MRPS25: variants seen among roughly 807,000 people sequenced by gnomAD.
The protein encoded by MRPS25 is mitochondrial ribosomal protein S25.
In MRPS25, 15 loss-of-function variants were observed where a neutral mutation model predicts 17.3. The ratio of observed to expected loss-of-function variants is 0.87; its 90% CI spans 0.58 to 1.34. MRPS25 has a LOEUF of 1.34. Ranked by LOEUF, MRPS25 falls within the 40% of genes most tolerant of loss-of-function variation. The pLI, the probability that MRPS25 is intolerant of heterozygous loss-of-function variation, is 0.00. For missense variants in MRPS25, 225 were observed against 218.6 expected, an observed-to-expected ratio of 1.03 and a Z score of -0.19; for synonymous variants, 94 against 83.3, an observed-to-expected ratio of 1.13 and a Z score of -0.70.
At chr3:15,059,899 C>G (rs1212967479) in intron 1 of MRPS25, among the ~76,000 whole-genome samples, 2 of 148,716 alleles carry the variant, frequency 1.3e-5, no homozygotes, top group African/African-American at 5.0e-5. Context: ...CATGGGGGAA[C>G]AGTTTTACAA....
chr3:15,051,642 G>GGT lies in MRPS25; in HGVS notation c.*797_*798dup. 1 of 985,704 alleles carries GGT rather than the reference G, an allele frequency of 1.0e-6. No individual in the cohort carries two copies. Among genetic ancestry groups the GGT allele is most frequent in the Non-Finnish European group, 1.2e-6 (1 of 830,128 alleles). The allele number at this position is 985,704 out of a possible 1,614,324, so 61.1% of individuals were successfully genotyped here. On this transcript the variant is annotated 3_prime_UTR_variant, in exon 4 of 4. Transcript: ENST00000253686. ...TGCAGCACTCCCTCCTCCAGAGCTT[G>GGT]GTAAGCAGGGCCTGAGGGAGCCAGC...
chr3:15,063,180 G>C (rs889238174), intron 1 of MRPS25, among the ~76,000 whole-genome samples: 3 of 152,130 alleles, frequency 2.0e-5, no homozygotes, highest in African/African-American at 7.2e-5. Flanking sequence ...AGGAAACTAA[G>C]GTCAGAAGTT....
At position 15,051,716 on chromosome 3, in the gene MRPS25, C is replaced by T. The variant is rs1203735554; in HGVS notation, c.*725G>A. 1 of 985,338 alleles carries T rather than the reference C, an allele frequency of 1.0e-6. No individual in the cohort carries two copies. The highest frequency in any genetic ancestry group is 1.2e-6 in the Non-Finnish European group (1 of 830,052). The allele number at this position is 985,338 out of a possible 1,614,324, so 61.0% of individuals were successfully genotyped here. A position where few individuals can be genotyped will look rare whatever the true frequency, so the allele number is the denominator to read the frequency against. On this transcript the variant is annotated 3_prime_UTR_variant, in exon 4 of 4. Coordinates refer to ENST00000253686, the MANE Select transcript of MRPS25 (RefSeq NM_022497.5). ...CCCCAGCAGGGCCCCAATGTCTCCA[C>T]TAGGTGGTGTCTCCTCATTTCCTCC...
chr3:15,062,483 A>C (rs866705304), intron 1 of MRPS25, among the ~76,000 whole-genome samples: 2 of 131,934 alleles, frequency 1.5e-5, no homozygotes, highest in Non-Finnish European at 3.3e-5. Flanking sequence ...CGCCCCGTCC[A>C]GGAGGTGAGG....
intron 1 of MRPS25, among the ~76,000 whole-genome samples, chr3:15,060,303 A>C (rs2042733460): frequency 6.6e-6 from 1 of 152,006 alleles, no homozygotes. Context: ...GCTTGAGCTC[A>C]GGAGTTTGAG....
chr3:15,043,545 T>C (rs1158145301), downstream of MRPS25: 1 of 152,694 alleles, frequency 6.5e-6, no homozygotes, highest in African/African-American at 2.4e-5. Flanking sequence ...CTCACTAGGG[T>C]ACAGGAGACA....
At chr3:15,053,343 G>A in intron 3 of MRPS25, 37 bp downstream of exon 3, 1 of 1,613,948 alleles carries the variant, frequency 6.2e-7, no homozygotes, top group Non-Finnish European at 8.5e-7. Context: ...TCTGGGCTGA[G>A]AAGTTTGTTC....
intron 2 of MRPS25, among the ~76,000 whole-genome samples, chr3:15,057,196 G>A (rs1490551924): frequency 2.6e-5 from 4 of 152,206 alleles, no homozygotes; most frequent in African/African-American, 4.8e-5. Context: ...GGGGCCTAGG[G>A]TCTGGCCTTC....
At chr3:15,044,018 G>C (rs2042363112), downstream of MRPS25, 1 of 152,214 alleles carries the variant, frequency 6.6e-6, no homozygotes, top group Non-Finnish European at 1.5e-5. Flanking sequence ...TGTCCAGATG[G>C]AGGAGTGTGG....
In MRPS25 at chr3:15,050,416, C is replaced by G; in HGVS notation, c.*2025G>C. ...GGTTCAGGACATTCCTGCTGGTTAG[C>G]AGCCTCTTTGGGCCCTAGAGGGAAG... On this transcript the variant is annotated 3_prime_UTR_variant, in exon 4 of 4. Coordinates refer to ENST00000253686, the MANE Select transcript of MRPS25 (RefSeq NM_022497.5). The G allele has an allele frequency of 1.0e-6, 1 of 1,003,430 alleles. No individual in the cohort carries two copies. Among genetic ancestry groups the G allele is most frequent in the South Asian group, 4.3e-5 (1 of 23,438 alleles). The allele number at this position is 1,003,430 out of a possible 1,614,324, so 62.2% of individuals were successfully genotyped here. A position where few individuals can be genotyped will look rare whatever the true frequency, so the allele number is the denominator to read the frequency against.
intron 1 of MRPS25, among the ~76,000 whole-genome samples, chr3:15,064,660 T>C (rs997666292): frequency 6.6e-6 from 1 of 152,296 alleles, no homozygotes; most frequent in South Asian, 2.1e-4. Context: ...CCGCTGTTAT[T>C]TCTCTCATTT....
At chr3:15,061,548 C>T (rs2042759283) in intron 1 of MRPS25, among the ~76,000 whole-genome samples, 1 of 152,206 alleles carries the variant, frequency 6.6e-6, no homozygotes, top group South Asian at 2.1e-4. Context: ...AGTGCAGTGG[C>T]ATGATCTCGG....
At chr3:15,056,003 G>T (rs1288028962) in intron 2 of MRPS25, among the ~76,000 whole-genome samples, 1 of 151,918 alleles carries the variant, frequency 6.6e-6, no homozygotes, top group African/African-American at 2.4e-5. Flanking sequence ...CACGAGGTCA[G>T]GAGATCGAGA....
intron 1 of MRPS25, among the ~76,000 whole-genome samples, chr3:15,062,773 A>G (rs2125138899): frequency 6.6e-6 from 1 of 152,280 alleles, no homozygotes; most frequent in South Asian, 2.1e-4. Context: ...CCTTACCCCC[A>G]ACCCTGTGCT....
chr3:15,042,995 G>A (rs112640832), downstream of MRPS25: 20 of 1,613,920 alleles, frequency 1.2e-5, no homozygotes, highest in Non-Finnish European at 1.6e-5. Flanking sequence ...CAGATCACCG[G>A]AGCCAGTCTA....
Position 15,050,502 on chromosome 3 carries a change from C to A in MRPS25, c.*1939G>T. 2 of 985,858 alleles carry A rather than the reference C, an allele frequency of 2.0e-6. No homozygotes were observed. The highest frequency in any genetic ancestry group is 2.4e-6 in the Non-Finnish European group (2 of 830,338). The allele number at this position is 985,858 out of a possible 1,614,324, so 61.1% of individuals were successfully genotyped here. A position where few individuals can be genotyped will look rare whatever the true frequency, so the allele number is the denominator to read the frequency against. Reference sequence around the variant, plus strand: ...TGGAGACCTACACTGCAGATGAAAGCCAAAAGGAACTAGGTGCTTTCTGAA... The same window carrying A: ...TGGAGACCTACACTGCAGATGAAAGACAAAAGGAACTAGGTGCTTTCTGAA... On this transcript the variant is annotated 3_prime_UTR_variant, in exon 4 of 4. Transcript: ENST00000253686.
In MRPS25 at chr3:15,049,777, T is replaced by C. The variant is rs1183726753; in HGVS notation, c.*2664A>G. 12 of 714,026 alleles carry C rather than the reference T, an allele frequency of 1.7e-5. No individual in the cohort carries two copies. The African/African-American group carries it at 1.8e-4, about 11-fold the overall frequency. The allele number at this position is 714,026 out of a possible 1,614,324, so 44.2% of individuals were successfully genotyped here. On this transcript the variant is annotated 3_prime_UTR_variant, in exon 4 of 4. Transcript: ENST00000253686. ...ATGACAGAACTCACTGGCAGGCAGA[T>C]AGGGCCTCACTCCGTCACCCAGGCT...
At position 15,059,355 on chromosome 3, in the gene MRPS25, A is replaced by C; in HGVS notation, c.241+14T>G. 29 of 1,546,960 alleles carry C rather than the reference A, an allele frequency of 1.9e-5. No individual in the cohort carries two copies. The highest frequency in any genetic ancestry group is 2.4e-5 in the Non-Finnish European group (27 of 1,119,518). On this transcript the variant is annotated intron_variant, in intron 2 of 3. Coordinates refer to ENST00000253686, the MANE Select transcript of MRPS25 (RefSeq NM_022497.5). Reference sequence around the variant, plus strand: ...CTGGGACAGCCCCTGGACCATGGCGAGGGCCCCACTCACCTAAGTAGAATC... The same window carrying C: ...CTGGGACAGCCCCTGGACCATGGCGCGGGCCCCACTCACCTAAGTAGAATC...
At chr3:15,058,276 G>A (rs1335366446) in intron 2 of MRPS25, among the ~76,000 whole-genome samples, 3 of 151,954 alleles carry the variant, frequency 2.0e-5, no homozygotes, top group Admixed American at 1.3e-4. Flanking sequence ...TGCAAGCTCC[G>A]CCTCCCAGGT....
Sources: gnomAD v4.1 joint callset for allele counts (sites outside exome capture counted in the v4.1 genomes callset) on GRCh38, gnomAD v4.1.1 for gene constraint, MANE v1.5 for transcripts, NCBI Gene and HGNC (gene_info 2026-07-23, HGNC 2026-07-21) for gene names.